The following THSD7B variants were observed in gnomAD, a reference collection of about 807,000 sequenced individuals.
THSD7B encodes the protein thrombospondin type 1 domain containing 7B, also known as thrombospondin type-1 domain-containing protein 7B.
In THSD7B, 138 loss-of-function variants were observed where a neutral mutation model predicts 213.6. The observed-to-expected ratio is 0.65, with a 90% CI of 0.56 to 0.74. The LOEUF (loss-of-function observed/expected upper bound fraction) is 0.74, where lower values mean the gene tolerates loss of function less well. Among genes scored for constraint, THSD7B ranks in the 30% least tolerant of loss-of-function variants. THSD7B has a pLI of 0.00. For missense variants in THSD7B, 1,931 were observed against 1,991.5 expected (o/e 0.97, Z 0.58); for synonymous variants, 742 against 687.0 (o/e 1.08, Z -1.25).
chr2:137,582,695 T>C (rs1681608369), intron 17 of THSD7B, among the ~76,000 whole-genome samples: 1 of 152,156 alleles, frequency 6.6e-6, no homozygotes, highest in African/African-American at 2.4e-5. Context: ...CTGCATAGCA[T>C]TCCATGGTGT....
intron 2 of THSD7B, among the ~76,000 whole-genome samples, chr2:137,032,203 A>C (rs1312099892): frequency 6.6e-6 from 1 of 151,632 alleles, no homozygotes. Context: ...TTCCAAGAAC[A>C]CCCTACTAAT....
chr2:137,044,564 A>G (rs372995862), intron 2 of THSD7B, among the ~76,000 whole-genome samples: 2 of 152,138 alleles, frequency 1.3e-5, no homozygotes, highest in Non-Finnish European at 2.9e-5. Flanking sequence ...TGTGCATATT[A>G]TGTTTTTTCC....
chr2:136,866,150 A>AG (rs1683328881), intron 1 of THSD7B, among the ~76,000 whole-genome samples: 1 of 152,198 alleles, frequency 6.6e-6, no homozygotes, highest in African/African-American at 2.4e-5. Flanking sequence ...TCTTTTTTTA[A>AG]GCACTTGTGA....
chr2:136,869,825 G>A (rs1683402117), intron 1 of THSD7B, among the ~76,000 whole-genome samples: 1 of 152,204 alleles, frequency 6.6e-6, no homozygotes, highest in Admixed American at 6.5e-5. Flanking sequence ...TGTAATCCCA[G>A]CACTTTGGGA....
intron 12 of THSD7B, among the ~76,000 whole-genome samples, chr2:137,279,067 T>C (rs1652330928): frequency 1.3e-5 from 2 of 152,090 alleles, no homozygotes; most frequent in South Asian, 4.1e-4. Flanking sequence ...CATTAAGGAA[T>C]TGGCTAACGG....
chr2:137,178,069 CAA>C (rs35624670), intron 7 of THSD7B, among the ~76,000 whole-genome samples: 135 of 57,518 alleles, frequency 2.3e-3, no homozygotes, highest in South Asian at 0.023. Flanking sequence ...AACTCCGTCT[CAA>C]AAAAAAAAAA....
intron 3 of THSD7B, among the ~76,000 whole-genome samples, chr2:137,066,216 G>C (rs1333937382): frequency 7.8e-6 from 1 of 128,650 alleles, no homozygotes; most frequent in Non-Finnish European, 1.6e-5. Flanking sequence ...TTTTGAGACA[G>C]AGTCTGGCTC....
intron 9 of THSD7B, among the ~76,000 whole-genome samples, chr2:137,238,919 G>A (rs993746081): frequency 1.3e-5 from 2 of 150,466 alleles, no homozygotes; most frequent in African/African-American, 5.0e-5. Flanking sequence ...TGATTTGTGT[G>A]TATATATGTA....
At chr2:136,889,843 T>C (rs1056494253) in intron 2 of THSD7B, among the ~76,000 whole-genome samples, 2 of 152,208 alleles carry the variant, frequency 1.3e-5, no homozygotes, top group Non-Finnish European at 2.9e-5. Context: ...TTGAATCCCT[T>C]GTTTCCTGTT....
At chr2:137,045,722 A>G (rs1217943159) in intron 2 of THSD7B, among the ~76,000 whole-genome samples, 1 of 152,198 alleles carries the variant, frequency 6.6e-6, no homozygotes, top group African/African-American at 2.4e-5. Flanking sequence ...CATTAGAGCT[A>G]TACTTAAGAT....
rs1443373121 is a variant in THSD7B, at chr2:137,079,146, C to T, written c.951-15727C>T. The stretch of plus-strand genomic sequence containing the variant: ...CCAGCCTGGGCAACATAGTGAGAAT[C>T]CATCTCAAAAAAATAAATCTGTAAT... On this transcript the variant is annotated intron_variant, in intron 3 of 27. Transcript: ENST00000409968. Among the ~76,000 whole-genome samples, 73 of 151,690 alleles carry T rather than the reference C, an allele frequency of 4.8e-4. 2 individuals carry two copies. Among genetic ancestry groups the T allele is most frequent in the Admixed American group, 4.7e-3 (72 of 15,238 alleles).
At chr2:136,945,940 AC>A (rs1684929285) in intron 2 of THSD7B, among the ~76,000 whole-genome samples, 1 of 152,116 alleles carries the variant, frequency 6.6e-6, no homozygotes, top group Non-Finnish European at 1.5e-5. Context: ...GTTATTACCG[AC>A]CTTCTAAAGC....
chr2:137,663,602 GA>G (rs1683394001), intron 26 of THSD7B, 27 bp downstream of exon 26: 1 of 1,570,370 alleles, frequency 6.4e-7, no homozygotes, highest in African/African-American at 1.4e-5. Context: ...AGTAAGAAAT[GA>G]AAATTTTCTC....
intron 15 of THSD7B, among the ~76,000 whole-genome samples, chr2:137,553,779 G>A (rs543861974): frequency 6.6e-6 from 1 of 152,212 alleles, no homozygotes; most frequent in African/African-American, 2.4e-5. Flanking sequence ...CCCTGATAAA[G>A]TCCATGCAGC....
rs1360690854 is a variant in THSD7B, at chr2:137,234,405, C to T, written c.2150+1272C>T. 2.0e-5 allele frequency among the ~76,000 whole-genome samples: 3 copies of T among 152,312 alleles called. No individual in the cohort carries two copies. In the South Asian group the frequency reaches 6.2e-4, roughly 32 times the overall value. ...CACTTTGGCCATGTGTAAGGAAAGT[C>T]ACCCAAGCTCCGTTATGGGAAATGA... On this transcript the variant is annotated intron_variant, in intron 9 of 27. Transcript: ENST00000409968.
At chr2:137,567,685 G>A (rs1049926926) in intron 16 of THSD7B, among the ~76,000 whole-genome samples, 3 of 152,158 alleles carry the variant, frequency 2.0e-5, no homozygotes, top group Non-Finnish European at 4.4e-5. Context: ...AAAAATGTCT[G>A]TTAGGTGGTG....
intron 2 of THSD7B, among the ~76,000 whole-genome samples, chr2:137,045,422 T>A (rs1037012075): frequency 4.6e-5 from 7 of 152,166 alleles, no homozygotes; most frequent in African/African-American, 1.7e-4. Flanking sequence ...TGGATACACC[T>A]GACAAAGAAA....
chr2:137,588,732 A>G (rs1681798314), intron 17 of THSD7B, among the ~76,000 whole-genome samples: 1 of 151,640 alleles, frequency 6.6e-6, no homozygotes, highest in Non-Finnish European at 1.5e-5. Flanking sequence ...GACAATATCC[A>G]TATATTGGTA....
chr2:136,844,506 G>A (rs78696032), intron 1 of THSD7B, among the ~76,000 whole-genome samples: 5,053 of 149,308 alleles, frequency 0.034, 145 homozygotes, highest in East Asian at 0.15. Flanking sequence ...CAGAGAGATC[G>A]GTTTTCTGGT....
Sources: gnomAD v4.1 joint callset for allele counts (sites outside exome capture counted in the v4.1 genomes callset) on GRCh38, gnomAD v4.1.1 for gene constraint, MANE v1.5 for transcripts, NCBI Gene and HGNC (gene_info 2026-07-23, HGNC 2026-07-21) for gene names.